CUX2: variants seen among roughly 807,000 people sequenced by gnomAD.
CUX2 encodes homeobox protein cut-like 2.
CUX2 carries 40 observed loss-of-function variants against 144.8 expected under a neutral mutation model. The observed-to-expected ratio is 0.28, with a 90% CI of 0.21 to 0.36. The LOEUF (loss-of-function observed/expected upper bound fraction) is 0.36, where lower values mean the gene tolerates loss of function less well. CUX2 is among the 10% of genes least tolerant of loss of function. The pLI is 1.00. For synonymous variants in CUX2, 827 were observed against 875.6 expected (o/e 0.94, Z 0.98); for missense variants, 1,615 against 1,994.0 (o/e 0.81, Z 3.62).
Position 111,186,446 on chromosome 12 carries a change from C to T in CUX2, c.64-27754C>T, listed in dbSNP as rs1879533660. Among the ~76,000 whole-genome samples, 1 of 152,180 alleles carries T rather than the reference C, an allele frequency of 6.6e-6. No homozygotes were observed. The highest frequency in any genetic ancestry group is 2.1e-4 in the South Asian group (1 of 4,832). ...GTTAAGCTGAGACCCGAAGCATAAA[C>T]TAGGCGGGGAACAGGGGAGCGGGAA... On this transcript the variant is annotated intron_variant, in intron 1 of 21. Transcript: ENST00000261726. This position sits in a 1 kb window ranked among gnomAD's most constrained non-coding sequence, Gnocchi z 4.4.
At chr12:111,328,363 G>A (rs1887912688) in intron 18 of CUX2, among the ~76,000 whole-genome samples, 1 of 152,158 alleles carries the variant, frequency 6.6e-6, no homozygotes. Context: ...GCCACGGGAG[G>A]GTTATAAAGC....
rs779731637 is a variant in CUX2, at chr12:111,310,572, C to T, written c.1790C>T (p.Pro597Leu). The T allele has an allele frequency of 6.2e-7, 1 of 1,613,890 alleles. No homozygotes were observed. The highest frequency in any genetic ancestry group is 8.5e-7 in the Non-Finnish European group (1 of 1,179,972). Residue 597 changes from proline to leucine, a missense_variant, in exon 15 of 22, where the codon CCC (proline) becomes CTC (leucine). Physicochemically the swap from Pro to Leu is moderately conservative, Grantham distance 98. Coordinates refer to ENST00000261726, the MANE Select transcript of CUX2 (RefSeq NM_015267.4). This position sits in a 1 kb window ranked among gnomAD's most constrained non-coding sequence, Gnocchi z 7.9. Reference sequence around the variant, plus strand: ...AGCGAGATCCTAGCCCGGCCCAAGCCCTGGCGCAAGCTCACGGTGAAGGGC... The same window carrying T: ...AGCGAGATCCTAGCCCGGCCCAAGCTCTGGCGCAAGCTCACGGTGAAGGGC... ...SVSEILARPK[P>L]WRKLTVKGKE...
intron 1 of CUX2, among the ~76,000 whole-genome samples, chr12:111,163,062 A>G (rs1464547592): frequency 2.0e-5 from 3 of 150,774 alleles, no homozygotes; most frequent in Admixed American, 6.6e-5. Context: ...AAAAAAAAAA[A>G]GGAATTTGGG....
intron 1 of CUX2, among the ~76,000 whole-genome samples, chr12:111,195,644 G>A (rs920024086): frequency 1.3e-5 from 2 of 152,328 alleles, no homozygotes; most frequent in East Asian, 3.9e-4. Context: ...CTGAGCCCTT[G>A]GGTCTGCCAT....
At chr12:111,267,725 C>T (rs1261676561) in intron 4 of CUX2, among the ~76,000 whole-genome samples, 1 of 152,208 alleles carries the variant, frequency 6.6e-6, no homozygotes, top group Non-Finnish European at 1.5e-5. Context: ...CTTCTTCCAG[C>T]TTCTGGTGGC....
At chr12:111,064,413 A>G (rs909602170) in intron 1 of CUX2, among the ~76,000 whole-genome samples, 17 of 152,334 alleles carry the variant, frequency 1.1e-4, no homozygotes, top group African/African-American at 4.1e-4. Context: ...TACGCTTATA[A>G]CATTCAAGTG....
intron 4 of CUX2, among the ~76,000 whole-genome samples, chr12:111,274,401 T>C (rs1038440403): frequency 1.3e-5 from 2 of 152,176 alleles, no homozygotes; most frequent in African/African-American, 4.8e-5. Context: ...AGGTGAGGAC[T>C]GTAAAGTCCT....
intron 1 of CUX2, among the ~76,000 whole-genome samples, chr12:111,128,730 T>C (rs1235666179): frequency 6.6e-6 from 1 of 152,178 alleles, no homozygotes; most frequent in East Asian, 1.9e-4. Context: ...ATAGATGATA[T>C]AGGGCCTTGC....
At chr12:111,229,430 A>G (rs1014586645) in intron 3 of CUX2, among the ~76,000 whole-genome samples, 1 of 152,230 alleles carries the variant, frequency 6.6e-6, no homozygotes, top group Non-Finnish European at 1.5e-5. Flanking sequence ...AGCAGCAGGA[A>G]TCAGGCCCAG....
intron 1 of CUX2, among the ~76,000 whole-genome samples, chr12:111,053,501 G>A (rs887466895): frequency 1.3e-5 from 2 of 152,162 alleles, no homozygotes; most frequent in Non-Finnish European, 2.9e-5. Context: ...AATCTGCCAC[G>A]TACTTCCATA....
At chr12:111,094,638 CA>C (rs1872718808) in intron 1 of CUX2, among the ~76,000 whole-genome samples, 1 of 152,202 alleles carries the variant, frequency 6.6e-6, no homozygotes. Flanking sequence ...TCTGGGACTA[CA>C]GGCGTGTGCC....
chr12:111,341,739 G>C, intron 20 of CUX2, 41 bp from the exon 21 acceptor site: 1 of 1,523,296 alleles, frequency 6.6e-7, no homozygotes, highest in Non-Finnish European at 8.8e-7. Flanking sequence ...TTTTGGGATG[G>C]GGACACCACC....
At chr12:111,185,822 T>G (rs148087572) in intron 1 of CUX2, among the ~76,000 whole-genome samples, 144 of 152,270 alleles carry the variant, frequency 9.5e-4, no homozygotes, top group African/African-American at 3.3e-3. Flanking sequence ...TGACAGTACC[T>G]GCCTGTGTCA....
chr12:111,298,358 A>G (rs12313589), intron 8 of CUX2, among the ~76,000 whole-genome samples, 183 bp from the exon 9 acceptor site: 21,436 of 152,114 alleles, frequency 0.14, 2,108 homozygotes, highest in African/African-American at 0.27. Flanking sequence ...GAAGAGGTGC[A>G]GTGCTGACGC....
At chr12:111,134,016 T>G (rs1159994223) in intron 1 of CUX2, among the ~76,000 whole-genome samples, 1 of 152,198 alleles carries the variant, frequency 6.6e-6, no homozygotes, top group Non-Finnish European at 1.5e-5. Flanking sequence ...TCAACTTGCA[T>G]TGTAATTCAG....
chr12:111,063,073 C>T (rs1053115637), intron 1 of CUX2, among the ~76,000 whole-genome samples: 1 of 152,146 alleles, frequency 6.6e-6, no homozygotes, highest in African/African-American at 2.4e-5. Context: ...GGCTGGGAGA[C>T]CTGGCCAGAC....
intron 1 of CUX2, among the ~76,000 whole-genome samples, chr12:111,075,365 A>G (rs915788748): frequency 1.3e-5 from 2 of 151,956 alleles, no homozygotes; most frequent in Non-Finnish European, 2.9e-5. Flanking sequence ...TTATAAATTT[A>G]TTATTTAAGG....
At chr12:111,153,017 G>A (rs963045820) in intron 1 of CUX2, among the ~76,000 whole-genome samples, 10 of 152,210 alleles carry the variant, frequency 6.6e-5, no homozygotes, top group African/African-American at 2.4e-4. Flanking sequence ...AAACAGTGGT[G>A]GAGATGGGGT....
chr12:111,254,606 C>T (rs1388966276), intron 3 of CUX2, among the ~76,000 whole-genome samples: 3 of 152,138 alleles, frequency 2.0e-5, no homozygotes, highest in African/African-American at 7.2e-5. Flanking sequence ...ATGCTCAAAA[C>T]GATTTAATGA....
Sources: allele counts gnomAD v4.1 joint callset (sites outside exome capture counted in the v4.1 genomes callset), GRCh38; gene constraint gnomAD v4.1.1; non-coding constraint Gnocchi (gnomAD v3.1); transcripts MANE v1.5; gene names NCBI Gene and HGNC (gene_info 2026-07-23, HGNC 2026-07-21).